EIF4G3: variants seen among roughly 807,000 people sequenced by gnomAD.
EIF4G3 encodes the protein eukaryotic translation initiation factor 4 gamma 3, also known as eIF-4-gamma 3.
Under a neutral mutation model 186.4 loss-of-function variants are expected in EIF4G3, and 34 were observed. The observed-to-expected ratio is 0.18, with a 90% CI of 0.14 to 0.24. The LOEUF is 0.24. Ranked by LOEUF, EIF4G3 falls within the 10% of genes least tolerant of loss-of-function variation. The pLI, the probability that EIF4G3 is intolerant of heterozygous loss-of-function variation, is 1.00. For synonymous variants in EIF4G3, 673 were observed against 679.5 expected, an observed-to-expected ratio of 0.99 and a Z score of 0.15; for missense variants, 1,536 against 1,948.5, an observed-to-expected ratio of 0.79 and a Z score of 3.99.
At chr1:21,107,819 C>T (rs1053229459) in intron 2 of EIF4G3, among the ~76,000 whole-genome samples, 7 of 152,200 alleles carry the variant, frequency 4.6e-5, no homozygotes, top group Admixed American at 2.6e-4. Context: ...GCTGGGACTA[C>T]AGACACGTGC....
chr1:20,959,391 T>A (rs769053829), intron 12 of EIF4G3, among the ~76,000 whole-genome samples: 1 of 152,016 alleles, frequency 6.6e-6, no homozygotes. Flanking sequence ...CAACTCAAGA[T>A]AGATCAAAGA....
At chr1:21,138,340 C>T (rs1266451889) in intron 2 of EIF4G3, among the ~76,000 whole-genome samples, 1 of 152,162 alleles carries the variant, frequency 6.6e-6, no homozygotes, top group Non-Finnish European at 1.5e-5. Context: ...ACATGAATCA[C>T]AATGACCCAA....
At chr1:20,830,168 T>C (rs1024658758) in intron 30 of EIF4G3, among the ~76,000 whole-genome samples, 2 of 152,186 alleles carry the variant, frequency 1.3e-5, no homozygotes, top group African/African-American at 2.4e-5. Context: ...CTTTCAGATC[T>C]CTACAATTGT....
intron 4 of EIF4G3, among the ~76,000 whole-genome samples, chr1:21,040,274 G>C (rs535514849): frequency 6.6e-6 from 1 of 152,166 alleles, no homozygotes; most frequent in Non-Finnish European, 1.5e-5. Flanking sequence ...CCTAGGACAC[G>C]GTTAAGTGAG....
intron 14 of EIF4G3, among the ~76,000 whole-genome samples, chr1:20,933,966 T>C (rs577653840): frequency 1.3e-5 from 2 of 152,250 alleles, no homozygotes; most frequent in South Asian, 2.1e-4. Flanking sequence ...TCCCAAAATG[T>C]GGGGATTACA....
chr1:20,880,546 T>G (rs530172472), intron 19 of EIF4G3, among the ~76,000 whole-genome samples: 1 of 152,196 alleles, frequency 6.6e-6, no homozygotes, highest in Non-Finnish European at 1.5e-5. Flanking sequence ...AGGCCAGAGG[T>G]TCGAGACCAG....
chr1:20,936,879 G>C (rs771379814), intron 14 of EIF4G3, among the ~76,000 whole-genome samples: 2 of 152,028 alleles, frequency 1.3e-5, no homozygotes, highest in African/African-American at 2.4e-5. Context: ...ACATATAATC[G>C]TATCTCCATT....
intron 14 of EIF4G3, among the ~76,000 whole-genome samples, chr1:20,926,006 C>T (rs1483895143): frequency 6.6e-6 from 1 of 152,122 alleles, no homozygotes; most frequent in Non-Finnish European, 1.5e-5. Flanking sequence ...GACTTTGTAT[C>T]CCTTGTTATC....
intron 14 of EIF4G3, among the ~76,000 whole-genome samples, chr1:20,918,279 G>A (rs1052451902): frequency 5.9e-5 from 9 of 152,040 alleles, no homozygotes; most frequent in African/African-American, 1.2e-4. Context: ...GCGCAGTCAC[G>A]GCTCACTACA....
intron 20 of EIF4G3, among the ~76,000 whole-genome samples, chr1:20,870,597 T>A (rs911872900): frequency 3.3e-5 from 5 of 152,180 alleles, no homozygotes; most frequent in African/African-American, 1.2e-4. Context: ...GGTTCTGAGA[T>A]GAGGATTCTC....
intron 4 of EIF4G3, among the ~76,000 whole-genome samples, chr1:21,015,086 G>C (rs188527091): frequency 1.1e-3 from 165 of 150,506 alleles, no homozygotes; most frequent in African/African-American, 3.9e-3. Flanking sequence ...AAAAAAGGAG[G>C]GGGGGAAGAA....
intron 3 of EIF4G3, among the ~76,000 whole-genome samples, chr1:21,059,461 T>C (rs2154578355): frequency 6.6e-6 from 1 of 152,174 alleles, no homozygotes; most frequent in African/African-American, 2.4e-5. Context: ...AAAGGAGCAC[T>C]ACAGTGGATA....
intron 32 of EIF4G3, among the ~76,000 whole-genome samples, chr1:20,827,223 T>G (rs1319583680): frequency 6.6e-6 from 1 of 152,230 alleles, no homozygotes; most frequent in Admixed American, 6.5e-5. Flanking sequence ...TCTTTTGAAA[T>G]TATTGGTTTA....
Position 20,950,097 on chromosome 1 carries a change from C to G in EIF4G3, c.729G>C (p.Gln243His). Reference protein sequence around the residue: ...TPTPPQQLPSQVPEHSPVVYG... With the variant: ...TPTPPQQLPSHVPEHSPVVYG... Reference sequence around the variant, plus strand: ...AAACCACAGGGCTGTGCTCGGGGACCTGGCTGGGCAGCTGCTGGGATTTGA... The same window carrying G: ...AAACCACAGGGCTGTGCTCGGGGACGTGGCTGGGCAGCTGCTGGGATTTGA... Residue 243 changes from glutamine to histidine, a missense_variant, in exon 13 of 37, where the codon CAG (glutamine) becomes CAC (histidine). Around this residue, in one of 11 missense-constraint regions of EIF4G3, gnomAD observed 560 missense variants for 547.8 expected, o/e 1.02. Coordinates refer to ENST00000602326, the MANE Select transcript of EIF4G3 (RefSeq NM_001391906.1). 2 of 1,587,978 alleles carry G rather than the reference C, an allele frequency of 1.3e-6. No homozygotes were observed. Among genetic ancestry groups the G allele is most frequent in the Non-Finnish European group, 1.7e-6 (2 of 1,171,166 alleles).
At chr1:21,148,518 C>G (rs759562053) in intron 2 of EIF4G3, among the ~76,000 whole-genome samples, 1 of 151,910 alleles carries the variant, frequency 6.6e-6, no homozygotes, top group Non-Finnish European at 1.5e-5. Context: ...CTGACTAACA[C>G]GGTGAAACCC....
chr1:21,065,010 T>C (rs759341054), intron 3 of EIF4G3: 2 of 152,174 alleles, frequency 1.3e-5, no homozygotes, highest in African/African-American at 2.4e-5. Flanking sequence ...GAATTAGTCA[T>C]TTACCAACTT....
In EIF4G3 at chr1:21,175,940, A is replaced by T. The variant is rs527642655; in HGVS notation, c.-272+235T>A. 4.6e-4 allele frequency: 103 copies of T among 222,236 alleles called. 1 individual carries two copies. The South Asian group carries it at 0.013, about 29-fold the overall frequency. 13.8% of individuals were successfully genotyped at this position (222,236 alleles called of 1,614,324 possible). On this transcript the variant is annotated intron_variant, in intron 2 of 36. Transcript: ENST00000602326. Reference sequence around the variant, plus strand: ...AAGCTCTAAAAGGAAGGGGCTGCAGAAGCATGGCCAAGTGGGGCTAGCTTT... The same window carrying T: ...AAGCTCTAAAAGGAAGGGGCTGCAGTAGCATGGCCAAGTGGGGCTAGCTTT...
intron 2 of EIF4G3, 97 bp from the exon 3 acceptor site, chr1:21,089,310 T>C (rs2096100752): frequency 1.5e-6 from 1 of 675,514 alleles, no homozygotes; most frequent in Non-Finnish European, 2.7e-6. Flanking sequence ...CCTAAGCATT[T>C]TCACCCAATT....
At position 20,905,245 on chromosome 1, in the gene EIF4G3, G is replaced by A. The variant is rs552623970; in HGVS notation, c.1664-274C>T. Among the ~76,000 whole-genome samples the A allele has an allele frequency of 5.9e-5, 9 of 152,254 alleles. No homozygotes were observed. The East Asian group carries it at 1.7e-3, about 29-fold the overall frequency. ...CCCAGCATGTAATTCAACATGTGAT[G>A]AGTACATACATAAGAAAACTGACTT... On this transcript the variant is annotated intron_variant, in intron 14 of 36. Coordinates refer to ENST00000602326, the MANE Select transcript of EIF4G3 (RefSeq NM_001391906.1).
Sources: gnomAD v4.1 joint callset for allele counts (sites outside exome capture counted in the v4.1 genomes callset) on GRCh38, gnomAD v4.1.1 for gene constraint, gnomAD v4.1.1 regional missense constraint, MANE v1.5 for transcripts, NCBI Gene and HGNC (gene_info 2026-07-23, HGNC 2026-07-21) for gene names.